The following AUTS2 variants were observed in gnomAD, a reference collection of about 807,000 sequenced individuals.
AUTS2 encodes the protein autism susceptibility gene 2 protein.
A neutral mutation model predicts 112.4 loss-of-function variants in AUTS2; 17 were observed. That is an observed-to-expected ratio of 0.15 (90% confidence interval 0.10 to 0.23). The LOEUF is 0.23. Among genes scored for constraint, AUTS2 ranks in the 10% least tolerant of loss-of-function variants. The pLI is 1.00. For synonymous variants in AUTS2, 751 were observed against 702.7 expected (o/e 1.07, Z -1.09); for missense variants, 1,510 against 1,701.6 (o/e 0.89, Z 1.98).
At chr7:70,622,350 G>A (rs1222338956) in intron 5 of AUTS2, among the ~76,000 whole-genome samples, 1 of 152,098 alleles carries the variant, frequency 6.6e-6, no homozygotes, top group Non-Finnish European at 1.5e-5. Context: ...CTGCCGTCTA[G>A]ACCTGGCATC....
rs142859537 is a variant in AUTS2 at position 70,636,593 on chromosome 7, C to T, written c.691-61976C>T. Among the ~76,000 whole-genome samples, 199 of 152,186 alleles carry T rather than the reference C, an allele frequency of 1.3e-3. 1 individual carries two copies. The highest frequency in any genetic ancestry group is 4.6e-3 in the African/African-American group (189 of 41,518). On this transcript the variant is annotated intron_variant, in intron 5 of 18. Coordinates refer to ENST00000342771, the MANE Select transcript of AUTS2 (RefSeq NM_015570.4). ...AATTTATAAAGTGGGAATAATCATA[C>T]ATCATCTCCGTGGATTTTGTGAGGA...
chr7:70,416,799 G>A (rs1214133314), intron 4 of AUTS2, among the ~76,000 whole-genome samples: 1 of 152,112 alleles, frequency 6.6e-6, no homozygotes, highest in Non-Finnish European at 1.5e-5. Context: ...CCCAGGTGCT[G>A]GGAAGACATG....
chr7:70,368,955 G>A (rs999387399), intron 4 of AUTS2, among the ~76,000 whole-genome samples: 2 of 152,156 alleles, frequency 1.3e-5, no homozygotes, highest in Non-Finnish European at 2.9e-5. Flanking sequence ...AAAGGAAAAG[G>A]AAGTTGTTCT....
intron 1 of AUTS2, among the ~76,000 whole-genome samples, chr7:69,759,925 AG>A (rs1253128600): frequency 6.6e-6 from 1 of 151,838 alleles, no homozygotes. Flanking sequence ...CCGTACAAAT[AG>A]AGGCTTTAAT....
intron 4 of AUTS2, among the ~76,000 whole-genome samples, chr7:70,396,956 T>C (rs917089397): frequency 3.3e-5 from 5 of 152,192 alleles, no homozygotes; most frequent in African/African-American, 9.7e-5. Context: ...CAAACTGTTT[T>C]CCAGAGTGGT....
chr7:70,399,013 G>A (rs1374535288), intron 4 of AUTS2, among the ~76,000 whole-genome samples: 6 of 148,354 alleles, frequency 4.0e-5, no homozygotes, highest in African/African-American at 1.0e-4. Context: ...TTGAGACAGG[G>A]TCTTGCTCTG....
At chr7:70,143,172 A>C (rs1806950851) in intron 4 of AUTS2, among the ~76,000 whole-genome samples, 1 of 152,244 alleles carries the variant, frequency 6.6e-6, no homozygotes, top group Non-Finnish European at 1.5e-5. Flanking sequence ...CTTGTTAAAG[A>C]GGAAAAGTGG....
chr7:70,600,156 GTTTGT>G (rs757309365), intron 5 of AUTS2, among the ~76,000 whole-genome samples: 4 of 152,068 alleles, frequency 2.6e-5, no homozygotes, highest in Non-Finnish European at 5.9e-5. Flanking sequence ...CCTTTTTTCT[GTTTGT>G]TTTGTTTTCT....
intron 1 of AUTS2, among the ~76,000 whole-genome samples, chr7:69,726,239 G>A (rs908723816): frequency 2.0e-5 from 3 of 151,922 alleles, no homozygotes; most frequent in Non-Finnish European, 2.9e-5. Flanking sequence ...GTTCTGATTC[G>A]TGTTAACATA....
intron 4 of AUTS2, among the ~76,000 whole-genome samples, chr7:70,306,195 C>T (rs1056987700): frequency 6.6e-6 from 1 of 152,168 alleles, no homozygotes; most frequent in Non-Finnish European, 1.5e-5. Flanking sequence ...TGAAAGAAAG[C>T]TCATTGACCC....
At chr7:69,865,697 T>C (rs1211179580) in intron 1 of AUTS2, among the ~76,000 whole-genome samples, 1 of 152,218 alleles carries the variant, frequency 6.6e-6, no homozygotes, top group Non-Finnish European at 1.5e-5. Context: ...TTAACCCCTG[T>C]GTGTACTGCA....
At chr7:70,351,829 G>A (rs1196574775) in intron 4 of AUTS2, among the ~76,000 whole-genome samples, 2 of 151,854 alleles carry the variant, frequency 1.3e-5, no homozygotes, top group East Asian at 1.9e-4. Context: ...AGCCTCCCAC[G>A]TAGCTGGGAT....
intron 6 of AUTS2, among the ~76,000 whole-genome samples, chr7:70,737,446 C>A (rs1440234235): frequency 1.3e-5 from 2 of 152,170 alleles, no homozygotes; most frequent in Non-Finnish European, 2.9e-5. Context: ...TTTTTGAAAC[C>A]CAGTTTGCTC....
Position 70,694,648 on chromosome 7 carries a change from A to G in AUTS2, c.691-3921A>G, listed in dbSNP as rs1012867325. ...TCGCCCTCCCGCCGGCCGGCCCGGG[A>G]CGCGCCTTGTTAGCCCCCGCCGCGC... is the stretch of plus-strand genomic sequence containing the variant. On this transcript the variant is annotated intron_variant, in intron 5 of 18. Transcript: ENST00000342771. The surrounding 1 kb of genome is among the most constrained non-coding windows in gnomAD (Gnocchi z 4.1). The G allele has an allele frequency of 2.0e-5, 3 of 146,446 alleles. No individual in the cohort carries two copies. Among genetic ancestry groups the G allele is most frequent in the African/African-American group, 7.4e-5 (3 of 40,328 alleles). The allele number at this position is 146,446 out of a possible 1,614,324, so 9.1% of individuals were successfully genotyped here.
At chr7:70,429,554 A>C (rs552159176) in intron 4 of AUTS2, among the ~76,000 whole-genome samples, 2 of 152,320 alleles carry the variant, frequency 1.3e-5, no homozygotes, top group Admixed American at 6.5e-5. Context: ...TGGTTGAAGC[A>C]AGGTATGTTA....
chr7:69,806,232 C>A (rs373682782), intron 1 of AUTS2, among the ~76,000 whole-genome samples: 2,739 of 117,092 alleles, frequency 0.023, 111 homozygotes, highest in African/African-American at 0.08. Context: ...TTTTTTTAAA[C>A]CAGCGTCACA....
At chr7:70,785,664 C>T (rs1041977017) in intron 16 of AUTS2, among the ~76,000 whole-genome samples, 1 of 152,158 alleles carries the variant, frequency 6.6e-6, no homozygotes, top group Non-Finnish European at 1.5e-5. Flanking sequence ...CGAGACTGGG[C>T]GGGAAGGCAA....
At chr7:70,005,011 G>C (rs1799482336) in intron 2 of AUTS2, among the ~76,000 whole-genome samples, 1 of 151,940 alleles carries the variant, frequency 6.6e-6, no homozygotes, top group South Asian at 2.1e-4. Context: ...TTTTAGTAGA[G>C]ATGGGATTTC....
At chr7:69,854,338 CTTAGAGT>C (rs1792622754) in intron 1 of AUTS2, among the ~76,000 whole-genome samples, 1 of 152,136 alleles carries the variant, frequency 6.6e-6, no homozygotes, top group Non-Finnish European at 1.5e-5. Flanking sequence ...GAATACAGGT[CTTAGAGT>C]TTAAAGTTCA....
Sources: allele counts gnomAD v4.1 joint callset (sites outside exome capture counted in the v4.1 genomes callset), GRCh38; gene constraint gnomAD v4.1.1; non-coding constraint Gnocchi (gnomAD v3.1); transcripts MANE v1.5; gene names NCBI Gene and HGNC (gene_info 2026-07-23, HGNC 2026-07-21).